The following NALCN variants were observed in gnomAD, a reference collection of about 807,000 sequenced individuals.
The protein encoded by NALCN is sodium leak channel, non-selective.
A neutral mutation model predicts 225.3 loss-of-function variants in NALCN; 111 were observed. The ratio of observed to expected loss-of-function variants is 0.49; its 90% confidence interval spans 0.42 to 0.58. The LOEUF is 0.58. Ranked by LOEUF, NALCN falls within the 20% of genes least tolerant of loss-of-function variation. The pLI, the probability that NALCN is intolerant of heterozygous loss-of-function variation, is 0.00. For missense variants in NALCN, 1,378 were observed against 2,202.4 expected (o/e 0.63, Z 7.49); for synonymous variants, 764 against 769.0 (o/e 0.99, Z 0.11).
chr13:101,217,288 G>A (rs2040772722), intron 13 of NALCN, among the ~76,000 whole-genome samples: 1 of 152,154 alleles, frequency 6.6e-6, no homozygotes, highest in South Asian at 2.1e-4. Context: ...ACCTGTACAG[G>A]CTGTTCCAGA....
At chr13:101,214,449 A>T (rs1307747828) in intron 13 of NALCN, among the ~76,000 whole-genome samples, 3 of 152,124 alleles carry the variant, frequency 2.0e-5, no homozygotes, top group East Asian at 1.9e-4. Flanking sequence ...TATAATTTTT[A>T]AAAAAGTCTA....
intron 7 of NALCN, among the ~76,000 whole-genome samples, chr13:101,327,388 G>A (rs1348813227): frequency 6.6e-6 from 1 of 151,454 alleles, no homozygotes; most frequent in African/African-American, 2.4e-5. Context: ...AAACATTGGG[G>A]GGGATGATAT....
intron 18 of NALCN, chr13:101,116,922 G>A (rs767308102): frequency 1.9e-6 from 1 of 513,378 alleles, no homozygotes; most frequent in Non-Finnish European, 3.9e-6. Flanking sequence ...GCTCTTACCT[G>A]ACTCCACTAG....
chr13:101,378,058 T>C (rs2046744426), intron 4 of NALCN, among the ~76,000 whole-genome samples: 1 of 152,076 alleles, frequency 6.6e-6, no homozygotes, highest in South Asian at 2.1e-4. Flanking sequence ...AGACTTTAAA[T>C]TTTTAAGTTC....
At chr13:101,393,014 CA>C (rs1447258313) in intron 3 of NALCN, among the ~76,000 whole-genome samples, 1 of 152,094 alleles carries the variant, frequency 6.6e-6, no homozygotes, top group Admixed American at 6.6e-5. Flanking sequence ...AAAATGCAGA[CA>C]ATAGAAAGTT....
At chr13:101,336,012 G>C (rs2045366337) in intron 7 of NALCN, among the ~76,000 whole-genome samples, 1 of 151,820 alleles carries the variant, frequency 6.6e-6, no homozygotes, top group Non-Finnish European at 1.5e-5. Context: ...CATATTTTAT[G>C]TCCATATTTA....
intron 20 of NALCN, among the ~76,000 whole-genome samples, chr13:101,108,880 T>G (rs1771828789): frequency 6.6e-6 from 1 of 152,174 alleles, no homozygotes; most frequent in African/African-American, 2.4e-5. Flanking sequence ...CTCCCCTTTG[T>G]GGGAGAAAAG....
At chr13:101,342,417 C>T (rs77492668) in intron 7 of NALCN, among the ~76,000 whole-genome samples, 1,538 of 152,280 alleles carry the variant, frequency 0.01, 30 homozygotes, top group African/African-American at 0.034. Context: ...AGTTGTGTCC[C>T]CTCCACTCTA....
At chr13:101,264,193 T>C (rs2042523708) in intron 10 of NALCN, among the ~76,000 whole-genome samples, 1 of 152,148 alleles carries the variant, frequency 6.6e-6, no homozygotes, top group Non-Finnish European at 1.5e-5. Context: ...TGTGAGTACA[T>C]ACATATGTGG....
intron 3 of NALCN, among the ~76,000 whole-genome samples, chr13:101,386,654 A>G (rs1231018651): frequency 6.6e-6 from 1 of 152,112 alleles, no homozygotes; most frequent in Non-Finnish European, 1.5e-5. Flanking sequence ...TTAGTAGGCA[A>G]TGCTAGGAAG....
intron 7 of NALCN, among the ~76,000 whole-genome samples, chr13:101,304,759 T>TTTTC (rs71121183): frequency 9.8e-5 from 3 of 30,692 alleles, no homozygotes; most frequent in South Asian, 1.3e-3. Flanking sequence ...TTTTCTTTTC[T>TTTTC]TTTTTTTTTT....
At chr13:101,142,964 T>A (rs1303094185) in intron 17 of NALCN, 116 bp downstream of exon 17, 1 of 1,313,112 alleles carries the variant, frequency 7.6e-7, no homozygotes, top group East Asian at 2.3e-5. Context: ...TGAAATCATT[T>A]TATTTTCATT....
rs1231988999 is a variant in NALCN at position 101,327,341 on chromosome 13, CCTT to C, written c.799+17922_799+17924del. Among the ~76,000 whole-genome samples the C allele has an allele frequency of 8.6e-5, 13 of 151,844 alleles. No individual in the cohort carries two copies. The East Asian group carries it at 1.9e-3, about 23-fold the overall frequency. ...TTTTCTGTAAGATAATTATTTTTCT[CCTT>C]CTCTGGCTCATTTTCAAGTAATTTT... On this transcript the variant is annotated intron_variant, in intron 7 of 43. Coordinates refer to ENST00000251127, the MANE Select transcript of NALCN (RefSeq NM_052867.4).
chr13:101,294,016 G>A (rs1256385729), intron 7 of NALCN, among the ~76,000 whole-genome samples: 1 of 152,094 alleles, frequency 6.6e-6, no homozygotes. Flanking sequence ...TGGCGAAGTG[G>A]GGATGAGGGC....
At position 101,191,954 on chromosome 13, in the gene NALCN, GC is replaced by G; in HGVS notation, c.1726del (p.Ala576ProfsTer13). ...AVGHMWAPVV[A>X]IYFILYHLFA... is the part of the protein sequence containing the mutation. The stretch of plus-strand genomic sequence containing the variant: ...AAGATGATAGAGAATGAAATAGATG[GC>G]AACCACGGGTGCCCACATATGTCCC... On this transcript the variant is annotated frameshift_variant, in exon 14 of 44. Coordinates refer to ENST00000251127, the MANE Select transcript of NALCN (RefSeq NM_052867.4). LOFTEE classifies it high-confidence loss of function. The G allele has an allele frequency of 6.2e-7, 1 of 1,609,042 alleles. No homozygotes were observed. Among genetic ancestry groups the G allele is most frequent in the South Asian group, 1.1e-5 (1 of 90,562 alleles).
At chr13:101,116,872 T>C (rs1334251573) in intron 18 of NALCN, 4 of 470,692 alleles carry the variant, frequency 8.5e-6, no homozygotes, top group Admixed American at 6.8e-5. Context: ...ACTATGACTG[T>C]ATAACTAAGA....
chr13:101,314,457 G>A (rs1285246420), intron 7 of NALCN, among the ~76,000 whole-genome samples: 1 of 152,054 alleles, frequency 6.6e-6, no homozygotes, highest in Non-Finnish European at 1.5e-5. Context: ...AGGAATAGGT[G>A]GCATTTTCCT....
chr13:101,077,979 G>C (rs2033368745), intron 34 of NALCN, among the ~76,000 whole-genome samples: 1 of 152,214 alleles, frequency 6.6e-6, no homozygotes, highest in East Asian at 1.9e-4. Context: ...ATGGCTAAAA[G>C]GTGCCAATAT....
intron 15 of NALCN, among the ~76,000 whole-genome samples, chr13:101,166,800 A>C (rs2139892924): frequency 6.6e-6 from 1 of 152,280 alleles, no homozygotes; most frequent in African/African-American, 2.4e-5. Flanking sequence ...GACAATTCCA[A>C]TGTCATGAAG....
Sources: allele counts gnomAD v4.1 joint callset (sites outside exome capture counted in the v4.1 genomes callset), GRCh38; gene constraint gnomAD v4.1.1; transcripts MANE v1.5; gene names NCBI Gene and HGNC (gene_info 2026-07-23, HGNC 2026-07-21).